The following UNC13C variants were observed in gnomAD, a reference collection of about 807,000 sequenced individuals.
UNC13C encodes unc-13 homolog C.
A neutral mutation model predicts 245.4 loss-of-function variants in UNC13C; 174 were observed. That is an observed-to-expected ratio of 0.71 (90% CI 0.63 to 0.80). UNC13C has a LOEUF of 0.80. Among genes scored for constraint, UNC13C ranks in the 30% least tolerant of loss-of-function variants. The pLI, the probability that UNC13C is intolerant of heterozygous loss-of-function variation, is 0.00. For missense variants in UNC13C, 2,829 were observed against 2,602.9 expected, an observed-to-expected ratio of 1.09 and a Z score of -1.89; for synonymous variants, 992 against 895.1, an observed-to-expected ratio of 1.11 and a Z score of -1.93.
chr15:54,419,622 T>C (rs1038494969), intron 19 of UNC13C, among the ~76,000 whole-genome samples: 5 of 152,088 alleles, frequency 3.3e-5, no homozygotes, highest in Admixed American at 6.6e-5. Context: ...TTAATGAGTA[T>C]TTTATCCCTG....
chr15:54,518,116 A>G (rs1895059500), intron 24 of UNC13C, among the ~76,000 whole-genome samples: 1 of 152,208 alleles, frequency 6.6e-6, no homozygotes, highest in African/African-American at 2.4e-5. Context: ...AGATTTAATA[A>G]ATTGAACTTA....
intron 2 of UNC13C, among the ~76,000 whole-genome samples, chr15:54,096,811 GA>G (rs952565640): frequency 6.6e-6 from 1 of 152,016 alleles, no homozygotes; most frequent in African/African-American, 2.4e-5. Flanking sequence ...AAAATAAAAA[GA>G]AAAATTTGCC....
the UNC13C span, among the ~76,000 whole-genome samples, chr15:53,943,331 T>G: frequency 0.92 from 140,327 of 152,216 alleles, 65,207 homozygotes; most frequent in Middle Eastern, 0.98. Context: ...AATACATTTT[T>G]CAATCTGATA....
chr15:54,353,953 A>C (rs2039039161), intron 17 of UNC13C, among the ~76,000 whole-genome samples: 1 of 152,194 alleles, frequency 6.6e-6, no homozygotes, highest in Non-Finnish European at 1.5e-5. Context: ...TTTTGCTTTG[A>C]TTCTGGAAAC....
In UNC13C at chr15:54,297,910, A is replaced by G. The variant is rs1363909057; in HGVS notation, c.4088A>G (p.Tyr1363Cys). Residue 1363 changes from tyrosine (Y) to cysteine (C), a missense_variant, in exon 12 of 33, where the codon TAT (tyrosine) becomes TGT (cysteine). Coordinates refer to ENST00000260323, the MANE Select transcript of UNC13C (RefSeq NM_001080534.3). ...EEKVAPYHIQ[Y>C]TCLHENLFHY... ...AAGGTTGCTCCATATCATATTCAAT[A>G]TACATGTTTACATGAGGTAAATAAA... The G allele has an allele frequency of 1.9e-6, 3 of 1,588,304 alleles. No individual in the cohort carries two copies. The highest frequency in any genetic ancestry group is 3.5e-5 in the Admixed American group (2 of 57,194).
chr15:54,005,297 C>G (rs1342521345), intron 1 of UNC13C, among the ~76,000 whole-genome samples: 1 of 152,110 alleles, frequency 6.6e-6, no homozygotes, highest in Non-Finnish European at 1.5e-5. Flanking sequence ...ACATAGGTCA[C>G]CACCTATTTC....
rs1482101341 is a variant in UNC13C at position 54,219,750 on chromosome 15, C to G, written c.3072-15280C>G. On this transcript the variant is annotated intron_variant, in intron 4 of 32. Transcript: ENST00000260323. ...TCTACAATGAACTCAAACAAATTTA[C>G]AAGAAAAAAACAACCCCATCAAAAA... Among the ~76,000 whole-genome samples, 6 of 151,354 alleles carry G rather than the reference C, an allele frequency of 4.0e-5. No individual in the cohort carries two copies. In the East Asian group the frequency reaches 1.2e-3, roughly 29 times the overall value.
At chr15:54,471,735 A>T (rs1480508714) in intron 19 of UNC13C, among the ~76,000 whole-genome samples, 1 of 151,530 alleles carries the variant, frequency 6.6e-6, no homozygotes, top group African/African-American at 2.4e-5. Flanking sequence ...TTGCTGTTGG[A>T]TGGAATCTTC....
intron 17 of UNC13C, among the ~76,000 whole-genome samples, chr15:54,387,125 A>T (rs1397890520): frequency 6.6e-6 from 1 of 152,182 alleles, no homozygotes; most frequent in African/African-American, 2.4e-5. Flanking sequence ...TGCAGGAAAG[A>T]ATTCAAAAAT....
chr15:54,433,612 C>T (rs1343947833), intron 19 of UNC13C, among the ~76,000 whole-genome samples: 5 of 151,976 alleles, frequency 3.3e-5, no homozygotes, highest in Admixed American at 2.0e-4. Flanking sequence ...TTATGACAAA[C>T]TTATAGGCAA....
At chr15:53,907,105 A>AT in the UNC13C span, among the ~76,000 whole-genome samples, 1 of 152,220 alleles carries the variant, frequency 6.6e-6, no homozygotes, top group South Asian at 2.1e-4. Flanking sequence ...TGTTTGGTTG[A>AT]TTTTTTGCAA....
At chr15:54,610,633 G>C (rs1206546146) in intron 30 of UNC13C, among the ~76,000 whole-genome samples, 5 of 152,124 alleles carry the variant, frequency 3.3e-5, no homozygotes, top group Non-Finnish European at 7.4e-5. Flanking sequence ...ACATATGCCA[G>C]GTATTTTAAG....
chr15:54,220,018 C>G (rs2035172883), intron 4 of UNC13C, among the ~76,000 whole-genome samples: 1 of 141,542 alleles, frequency 7.1e-6, no homozygotes, highest in Non-Finnish European at 1.5e-5. Flanking sequence ...CTAGTTCAAC[C>G]ATTGTGGAAG....
chr15:53,945,506 T>G, the UNC13C span, among the ~76,000 whole-genome samples: 1 of 152,198 alleles, frequency 6.6e-6, no homozygotes, highest in Non-Finnish European at 1.5e-5. Flanking sequence ...GGGGGGTCCT[T>G]TCCCCATTGC....
chr15:54,228,742 C>T (rs925792945), intron 4 of UNC13C, among the ~76,000 whole-genome samples: 4 of 152,114 alleles, frequency 2.6e-5, no homozygotes, highest in African/African-American at 7.2e-5. Flanking sequence ...ACAAAGTCCT[C>T]TTGCTCTTCC....
chr15:54,141,875 G>A (rs2032038853), intron 2 of UNC13C, among the ~76,000 whole-genome samples: 1 of 152,054 alleles, frequency 6.6e-6, no homozygotes, highest in Non-Finnish European at 1.5e-5. Flanking sequence ...TAGTTAAGCA[G>A]CCTATACTTA....
intron 2 of UNC13C, among the ~76,000 whole-genome samples, chr15:54,119,251 G>A (rs527515462): frequency 1.1e-4 from 17 of 152,036 alleles, no homozygotes; most frequent in Non-Finnish European, 2.5e-4. Flanking sequence ...CCTGCATTGA[G>A]CAAGTGGTTA....
At chr15:54,158,424 G>A (rs1244408910) in intron 4 of UNC13C, among the ~76,000 whole-genome samples, 4 of 151,620 alleles carry the variant, frequency 2.6e-5, no homozygotes, top group East Asian at 2.0e-4. Flanking sequence ...CACCTCCCGG[G>A]TTCTCACCAT....
chr15:54,283,936 G>A (rs2037072613), intron 10 of UNC13C, among the ~76,000 whole-genome samples: 1 of 152,108 alleles, frequency 6.6e-6, no homozygotes, highest in Non-Finnish European at 1.5e-5. Context: ...GACCTTGAAA[G>A]TGAAATACAA....
Sources: gnomAD v4.1 joint callset for allele counts (sites outside exome capture counted in the v4.1 genomes callset) on GRCh38, gnomAD v4.1.1 for gene constraint, MANE v1.5 for transcripts, NCBI Gene and HGNC (gene_info 2026-07-23, HGNC 2026-07-21) for gene names.